Variants in ARFIP1 observed in about 807,000 individuals in gnomAD.
ARFIP1 encodes the protein ARF interacting protein 1.
Under a neutral mutation model 42.5 loss-of-function variants are expected in ARFIP1, and 24 were observed. The ratio of observed to expected loss-of-function variants is 0.57; its 90% CI spans 0.41 to 0.80. The LOEUF is 0.80. ARFIP1 is among the 30% of genes least tolerant of loss of function. The pLI is 0.00. For synonymous variants in ARFIP1, 141 were observed against 153.7 expected (o/e 0.92, Z 0.61); for missense variants, 354 against 434.0 (o/e 0.82, Z 1.64).
At chr4:152,788,434 C>G (rs770633510) in intron 1 of ARFIP1, among the ~76,000 whole-genome samples, 4 of 152,106 alleles carry the variant, frequency 2.6e-5, no homozygotes, top group African/African-American at 4.8e-5. Context: ...AATCCTAGCA[C>G]TTTGGGAGGT....
At chr4:152,885,070 G>A (rs975991140) in intron 7 of ARFIP1, among the ~76,000 whole-genome samples, 1 of 151,994 alleles carries the variant, frequency 6.6e-6, no homozygotes, top group Non-Finnish European at 1.5e-5. Flanking sequence ...AGCTTAGCTT[G>A]GGGTTTGACT....
intron 1 of ARFIP1, among the ~76,000 whole-genome samples, chr4:152,801,736 G>A (rs1728442425): frequency 6.6e-6 from 1 of 152,154 alleles, no homozygotes. Context: ...AAGTTACAAA[G>A]AGTAGCTGTG....
chr4:152,881,303 CT>C, intron 6 of ARFIP1, 119 bp downstream of exon 6: 2 of 785,034 alleles, frequency 2.5e-6, no homozygotes, highest in South Asian at 2.1e-5. Flanking sequence ...CTGAGATTCT[CT>C]TTTAAGATAT....
At position 152,888,238 on chromosome 4, in the gene ARFIP1, A is replaced by G. The variant is rs1388607450; in HGVS notation, c.897A>G (p.Ala299=). 1.9e-6 allele frequency: 3 copies of G among 1,610,668 alleles called. No individual in the cohort carries two copies. Among genetic ancestry groups the G allele is most frequent in the Non-Finnish European group, 2.5e-6 (3 of 1,178,470 alleles). Residue 299 remains alanine (A), a synonymous_variant, in exon 8 of 9, where the codon GCA becomes GCG. Transcript: ENST00000353617. ...AGCAGTCACAGCATCTCTTCCAAGC[A>G]CATAAGGAAAAATATGATAAAATGC... ...KIEQSQHLFQ[A]HKEKYDKMRN... is the part of the protein sequence containing the mutation.
intron 2 of ARFIP1, among the ~76,000 whole-genome samples, chr4:152,860,837 A>G (rs776975277): frequency 2.6e-5 from 4 of 152,238 alleles, no homozygotes; most frequent in African/African-American, 4.8e-5. Context: ...AAACTAAGCA[A>G]AGATACTTAT....
At chr4:152,833,047 A>G (rs1411163740) in intron 2 of ARFIP1, among the ~76,000 whole-genome samples, 1 of 152,178 alleles carries the variant, frequency 6.6e-6, no homozygotes, top group East Asian at 1.9e-4. Flanking sequence ...AAGTGGGACT[A>G]CGTCAAACTA....
chr4:152,841,335 G>A (rs990302089), intron 2 of ARFIP1, among the ~76,000 whole-genome samples: 1 of 152,162 alleles, frequency 6.6e-6, no homozygotes, highest in African/African-American at 2.4e-5. Context: ...TGCCAGGCCA[G>A]TTCTGTATCT....
At chr4:152,874,308 A>G (rs1735141760) in intron 5 of ARFIP1, among the ~76,000 whole-genome samples, 1 of 152,242 alleles carries the variant, frequency 6.6e-6, no homozygotes, top group Admixed American at 6.5e-5. Flanking sequence ...ATGGTATAGT[A>G]CTATGTGAAG....
chr4:152,870,788 C>G lies in ARFIP1; in HGVS notation c.238C>G (p.Pro80Ala). The change falls in exon 4 of 9, where the codon CCT (proline) becomes GCT (alanine). Residue 80 changes from proline (P) to alanine (A), a missense_variant. By Grantham distance (27) the Pro-to-Ala change is conservative. Coordinates refer to ENST00000353617, the MANE Select transcript of ARFIP1 (RefSeq NM_001025595.3). Reference protein sequence around the residue: ...PAPPLPSVMSPSRVAASRLAQ... With the variant: ...PAPPLPSVMSASRVAASRLAQ... ...ACCGCCACTGCCATCTGTTATGTCT[C>G]CTAGCAGGGTTGCAGCTAGTCGACT... is the stretch of plus-strand genomic sequence containing the variant. 5.6e-6 allele frequency: 9 copies of G among 1,614,106 alleles called. No homozygotes were observed. Among genetic ancestry groups the G allele is most frequent in the Non-Finnish European group, 7.6e-6 (9 of 1,179,980 alleles).
intron 8 of ARFIP1, among the ~76,000 whole-genome samples, chr4:152,888,602 A>G (rs1736465063): frequency 1.3e-5 from 2 of 152,190 alleles, no homozygotes; most frequent in Admixed American, 6.6e-5. Flanking sequence ...AATTGAAATA[A>G]TGATAGATTA....
At chr4:152,822,176 C>CAG in intron 1 of ARFIP1, among the ~76,000 whole-genome samples, 1 of 150,970 alleles carries the variant, frequency 6.6e-6, no homozygotes, top group Admixed American at 6.6e-5. Flanking sequence ...ACAGATAACA[C>CAG]ATAAGGATTC....
intron 3 of ARFIP1, among the ~76,000 whole-genome samples, chr4:152,864,913 CTTTTTTTTTTTTTT>C (rs34123163): frequency 2.7e-5 from 3 of 112,484 alleles, no homozygotes; most frequent in Non-Finnish European, 5.5e-5. Context: ...CTTTTTTAAA[CTTTTTTTTTTTTTT>C]TTTTTTTTTA....
At chr4:152,851,717 AAG>A (rs1410154287) in intron 2 of ARFIP1, among the ~76,000 whole-genome samples, 1 of 152,224 alleles carries the variant, frequency 6.6e-6, no homozygotes, top group Non-Finnish European at 1.5e-5. Context: ...TCAAGGGCAA[AAG>A]AGGAGTGAGA....
At chr4:152,891,524 G>T (rs1432662441) in intron 8 of ARFIP1, among the ~76,000 whole-genome samples, 3 of 152,098 alleles carry the variant, frequency 2.0e-5, no homozygotes, top group Non-Finnish European at 4.4e-5. Flanking sequence ...GCTTTAAAAA[G>T]GAAGGAAAAG....
In ARFIP1 at chr4:152,820,110, A is replaced by G. The variant is rs926163295; in HGVS notation, c.-9-9515A>G. Among the ~76,000 whole-genome samples, 5 of 151,878 alleles carry G rather than the reference A, an allele frequency of 3.3e-5. No homozygotes were observed. The East Asian group carries it at 9.6e-4, about 29-fold the overall frequency. On this transcript the variant is annotated intron_variant, in intron 1 of 8. Transcript: ENST00000353617. The stretch of plus-strand genomic sequence containing the variant: ...GTAGACTGCTTTCCTGCTGGCTTGG[A>G]AGAAGAGCTGTGGTGGCCCCCCCAC...
chr4:152,788,216 C>T lies in ARFIP1; in HGVS notation c.-10+7990C>T, dbSNP rs533379563. ...CTCTGCACTCCAGCCTGGGCGACAG[C>T]AAGACTCCGTCTCAAAACAAAAAAT... On this transcript the variant is annotated intron_variant, in intron 1 of 8. Coordinates refer to ENST00000353617, the MANE Select transcript of ARFIP1 (RefSeq NM_001025595.3). Among the ~76,000 whole-genome samples, 59 of 152,068 alleles carry T rather than the reference C, an allele frequency of 3.9e-4. 1 individual carries two copies. Among genetic ancestry groups the T allele is most frequent in the African/African-American group, 1.3e-3 (56 of 41,484 alleles).
intron 1 of ARFIP1, among the ~76,000 whole-genome samples, chr4:152,811,697 TA>T (rs1167952017): frequency 6.6e-6 from 1 of 152,222 alleles, no homozygotes; most frequent in African/African-American, 2.4e-5. Flanking sequence ...TTTTTATTCC[TA>T]AAGGACATAA....
chr4:152,780,390 TTC>T (rs890125840), intron 1 of ARFIP1, among the ~76,000 whole-genome samples, 164 bp downstream of exon 1: 2 of 152,238 alleles, frequency 1.3e-5, no homozygotes, highest in Non-Finnish European at 1.5e-5. Context: ...CTTTGGTTTC[TTC>T]TGTCCTTCAT....
rs1456492357 is a variant in ARFIP1, at chr4:152,802,737, C to T, written c.-10+22511C>T. Among the ~76,000 whole-genome samples, 7 of 152,166 alleles carry T rather than the reference C, an allele frequency of 4.6e-5. No individual in the cohort carries two copies. The South Asian group carries it at 8.3e-4, about 18-fold the overall frequency. On this transcript the variant is annotated intron_variant, in intron 1 of 8. Coordinates refer to ENST00000353617, the MANE Select transcript of ARFIP1 (RefSeq NM_001025595.3). Reference sequence around the variant, plus strand: ...TTGTTTCTAAGCATTTTAGAAATTACGTTTTACTATGAATAATGTAATGAA... The same window carrying T: ...TTGTTTCTAAGCATTTTAGAAATTATGTTTTACTATGAATAATGTAATGAA...
Sources: gnomAD v4.1 joint callset for allele counts (sites outside exome capture counted in the v4.1 genomes callset) on GRCh38, gnomAD v4.1.1 for gene constraint, MANE v1.5 for transcripts, NCBI Gene and HGNC (gene_info 2026-07-23, HGNC 2026-07-21) for gene names.